Variants in SLC67A2 observed in about 807,000 individuals in gnomAD.
The protein encoded by SLC67A2 is solute carrier family 67 member A2.
the SLC67A2 span, among the ~76,000 whole-genome samples, chr2:102,714,845 C>T: frequency 6.6e-6 from 1 of 152,174 alleles, no homozygotes; most frequent in Non-Finnish European, 1.5e-5. Context: ...AGTCTCATGG[C>T]TTTTATTATG....
the SLC67A2 span, among the ~76,000 whole-genome samples, chr2:102,722,189 C>A: frequency 6.6e-6 from 1 of 152,156 alleles, no homozygotes; most frequent in South Asian, 2.1e-4. Flanking sequence ...TCAGAGAAGG[C>A]CTAAGGAAGC....
chr2:102,721,662 T>G, the SLC67A2 span, among the ~76,000 whole-genome samples: 1 of 151,320 alleles, frequency 6.6e-6, no homozygotes, highest in African/African-American at 2.4e-5. Context: ...TAGTCCTGTG[T>G]GTGTGTGTGT....
At chr2:102,719,041 G>A in the SLC67A2 span, 7 of 1,614,062 alleles carry the variant, frequency 4.3e-6, no homozygotes, top group East Asian at 2.2e-5. Flanking sequence ...ACACTACTTC[G>A]ACCCAGGGCT....
chr2:102,727,558 A>G, the SLC67A2 span, among the ~76,000 whole-genome samples: 7 of 152,332 alleles, frequency 4.6e-5, 1 homozygote, highest in East Asian at 1.3e-3. Context: ...TTATTTAACA[A>G]ATAGTTTTGT....
chr2:102,720,539 TAACA>T, the SLC67A2 span, among the ~76,000 whole-genome samples: 1 of 151,992 alleles, frequency 6.6e-6, no homozygotes. Context: ...AAGAAAATAT[TAACA>T]AACAAGACAA....
the SLC67A2 span, chr2:102,731,161 A>C: frequency 1.9e-6 from 2 of 1,035,330 alleles, no homozygotes; most frequent in Non-Finnish European, 2.9e-6. Context: ...CAACAGAAAA[A>C]CATTAGGGTA....
chr2:102,718,025 T>C, the SLC67A2 span: 5 of 168,688 alleles, frequency 3.0e-5, no homozygotes, highest in South Asian at 8.3e-4. Context: ...TATTTTTCAG[T>C]AGGAAAATGC....
the SLC67A2 span, among the ~76,000 whole-genome samples, chr2:102,735,034 G>C: frequency 6.6e-6 from 1 of 152,296 alleles, no homozygotes; most frequent in African/African-American, 2.4e-5. Flanking sequence ...GCAGTAGCTT[G>C]GGACCCATAA....
chr2:102,725,248 C>T, the SLC67A2 span, among the ~76,000 whole-genome samples: 3 of 152,026 alleles, frequency 2.0e-5, no homozygotes, highest in African/African-American at 7.3e-5. Context: ...CCTGTGAAGC[C>T]CCCCGTGGCT....
the SLC67A2 span, chr2:102,731,150 C>A: frequency 3.4e-6 from 4 of 1,193,848 alleles, no homozygotes; most frequent in Admixed American, 3.9e-5. Context: ...TACACAGAAA[C>A]CAACAGAAAA....
the SLC67A2 span, chr2:102,730,919 T>C: frequency 1.1e-5 from 10 of 896,724 alleles, no homozygotes; most frequent in Admixed American, 4.2e-5. Context: ...GAAGAACATA[T>C]TACAATTTAA....
At chr2:102,731,140 T>C in the SLC67A2 span, 1 of 1,306,754 alleles carries the variant, frequency 7.7e-7, no homozygotes, top group Non-Finnish European at 1.1e-6. Context: ...TGATAACAAT[T>C]ACACAGAAAC....
chr2:102,733,781 T>C, the SLC67A2 span, among the ~76,000 whole-genome samples: 2 of 151,800 alleles, frequency 1.3e-5, no homozygotes, highest in African/African-American at 4.8e-5. Flanking sequence ...GTACAACATA[T>C]CATTTAATAA....
the SLC67A2 span, among the ~76,000 whole-genome samples, chr2:102,722,625 TTAAAGA>T: frequency 1.3e-5 from 2 of 152,040 alleles, no homozygotes; most frequent in Non-Finnish European, 2.9e-5. Context: ...CTTAAATAGA[TTAAAGA>T]TAAAAATCAA....
chr2:102,727,636 A>T, the SLC67A2 span, among the ~76,000 whole-genome samples: 1 of 152,214 alleles, frequency 6.6e-6, no homozygotes, highest in Non-Finnish European at 1.5e-5. Context: ...TTCATAGCAA[A>T]TTCTCCACAG....
chr2:102,718,509 C>T, the SLC67A2 span: 4 of 1,613,988 alleles, frequency 2.5e-6, no homozygotes, highest in African/African-American at 1.3e-5. Flanking sequence ...GCTAACACAG[C>T]GCCCAGGCTG....
the SLC67A2 span, chr2:102,732,001 G>A: frequency 2.2e-6 from 1 of 455,542 alleles, no homozygotes. Context: ...GGTTCCTGTA[G>A]GCAGGAGTCC....
At chr2:102,734,594 A>C in the SLC67A2 span, among the ~76,000 whole-genome samples, 2 of 152,212 alleles carry the variant, frequency 1.3e-5, no homozygotes, top group Non-Finnish European at 1.5e-5. Flanking sequence ...CCTAACAATC[A>C]TCTGTTAGGT....
chr2:102,723,761 T>C, the SLC67A2 span: 6 of 1,614,024 alleles, frequency 3.7e-6, no homozygotes, highest in African/African-American at 8.0e-5. Flanking sequence ...CATCCTCTAA[T>C]TCAGTGAGAT....
Sources: allele counts gnomAD v4.1 joint callset (sites outside exome capture counted in the v4.1 genomes callset), GRCh38; gene constraint gnomAD v4.1.1; transcripts MANE v1.5; gene names NCBI Gene and HGNC (gene_info 2026-07-23, HGNC 2026-07-21).